LIMK2: variants seen among roughly 807,000 people sequenced by gnomAD.
LIMK2 encodes the protein LIM domain kinase 2.
In LIMK2, 35 loss-of-function variants were observed where a neutral mutation model predicts 75.7. The observed-to-expected ratio is 0.46, with a 90% confidence interval of 0.35 to 0.61. The LOEUF is 0.61. Among genes scored for constraint, LIMK2 ranks in the 20% least tolerant of loss-of-function variants. The probability of loss-of-function intolerance (pLI) is 0.00; values close to 1 mark genes in which losing one functional copy is unlikely to be tolerated. For missense variants in LIMK2, 623 were observed against 831.0 expected (o/e 0.75, Z 3.08); for synonymous variants, 301 against 319.2 (o/e 0.94, Z 0.61).
rs759302784 is a variant in LIMK2 at position 31,258,305 on chromosome 22, A to G, written c.131A>G (p.Gln44Arg). ...TTGCCTTTCAGGTGTTCAGAATGCC[A>G]GGATTCCCTCACCAACTGGTACTAT... ...HGSCFRCSECQDSLTNWYYEK... is the reference protein window; with the variant it reads ...HGSCFRCSECRDSLTNWYYEK... The change falls in exon 3 of 16, where the codon CAG becomes CGG. Residue 44 changes from glutamine to arginine, a missense_variant. By Grantham distance (43) the Gln-to-Arg change is conservative (BLOSUM62 1). Transcript: ENST00000331728. 1 of 1,606,068 alleles carries G rather than the reference A, an allele frequency of 6.2e-7. No homozygotes were observed. The highest frequency in any genetic ancestry group is 1.1e-5 in the South Asian group (1 of 90,492).
chr22:31,273,123 G>A (rs1277011326), intron 13 of LIMK2: 1 of 805,408 alleles, frequency 1.2e-6, no homozygotes, highest in African/African-American at 1.9e-5. Flanking sequence ...CCATTTTGGA[G>A]TCTGAGGCCC....
In LIMK2 at chr22:31,272,704, G is replaced by A. The variant is rs1233256532; in HGVS notation, c.1558G>A (p.Gly520Arg). The part of the protein sequence containing the change: ...PYWMAPEMLN[G>R]KSYDETVDIF... The stretch of plus-strand genomic sequence containing the variant: ...CTGGATGGCCCCTGAGATGCTGAAC[G>A]GTGAGTCCTGAAGCCCTGGAGGGGA... The change falls in exon 13 of 16, where the codon GGA (glycine) becomes AGA (arginine). Residue 520 changes from glycine (G) to arginine (R), a missense_variant and splice_region_variant. Physicochemically the swap from Gly to Arg is moderately radical, Grantham distance 125. Around this residue, in one of 3 missense-constraint regions of LIMK2, gnomAD observed 63 missense variants for 122.8 expected, o/e 0.51. Coordinates refer to ENST00000331728, the MANE Select transcript of LIMK2 (RefSeq NM_005569.4). The A allele has an allele frequency of 3.7e-6, 6 of 1,600,742 alleles. No homozygotes were observed. The African/African-American group carries it at 4.0e-5, about 11-fold the overall frequency.
At chr22:31,219,567 T>A (rs926989962) in intron 1 of LIMK2, among the ~76,000 whole-genome samples, 13 of 152,196 alleles carry the variant, frequency 8.5e-5, no homozygotes, top group South Asian at 4.2e-4. Context: ...ACTCTTCTTT[T>A]TTTTATTTTA....
intron 7 of LIMK2, among the ~76,000 whole-genome samples, chr22:31,263,891 T>G (rs2048865785): frequency 6.6e-6 from 1 of 152,038 alleles, no homozygotes; most frequent in Non-Finnish European, 1.5e-5. Flanking sequence ...CTCAAGAGGC[T>G]GAGGAGGAGG....
At chr22:31,243,968 G>A (rs1008776130) in intron 2 of LIMK2, among the ~76,000 whole-genome samples, 2 of 152,182 alleles carry the variant, frequency 1.3e-5, no homozygotes, top group Non-Finnish European at 2.9e-5. Flanking sequence ...TGAATTTTTG[G>A]AGGTCAAATG....
chr22:31,234,995 G>C (rs933542894), intron 2 of LIMK2, among the ~76,000 whole-genome samples: 12 of 152,074 alleles, frequency 7.9e-5, no homozygotes, highest in Admixed American at 4.6e-4. Flanking sequence ...TGAAAAATAG[G>C]TTAGGTCCCT....
intron 14 of LIMK2, among the ~76,000 whole-genome samples, chr22:31,273,789 C>T (rs539571828): frequency 2.0e-5 from 3 of 152,268 alleles, no homozygotes; most frequent in African/African-American, 4.8e-5. Context: ...CCTCTGCCTT[C>T]TGGGTTCAAG....
intron 2 of LIMK2, among the ~76,000 whole-genome samples, chr22:31,226,178 C>CTTTATTTTATT (rs375495532): frequency 6.9e-6 from 1 of 145,924 alleles, no homozygotes; most frequent in African/African-American, 2.6e-5. Context: ...TGTTTGTATT[C>CTTTATTTTATT]TTATTTTATT....
chr22:31,275,105 G>C, intron 14 of LIMK2, 46 bp from the exon 15 acceptor site: 1 of 1,590,706 alleles, frequency 6.3e-7, no homozygotes. Context: ...CCAAGTATCT[G>C]TGGCCTCTGT....
chr22:31,271,150 T>C lies in LIMK2; in HGVS notation c.1332T>C (p.Ser444=). 6.2e-7 allele frequency: 1 copy of C among 1,614,070 alleles called. No homozygotes were observed. ...TTCTGTTCCAGGCCTATTTGCACTC[T>C]ATGTGCATCATCCACCGGGATCTGA... ...GIASGMAYLH[S]MCIIHRDLNS... is the part of the protein sequence containing the mutation. Residue 444 remains serine, a synonymous_variant, in exon 12 of 16, where the codon TCT becomes TCC. Coordinates refer to ENST00000331728, the MANE Select transcript of LIMK2 (RefSeq NM_005569.4).
intron 1 of LIMK2, among the ~76,000 whole-genome samples, chr22:31,221,546 A>C (rs1480064777): frequency 1.3e-5 from 2 of 152,134 alleles, no homozygotes; most frequent in African/African-American, 4.8e-5. Flanking sequence ...ATGCAGTGGA[A>C]TGATCTTGGC....
intron 5 of LIMK2, among the ~76,000 whole-genome samples, chr22:31,260,373 A>G (rs561723373): frequency 2.0e-5 from 3 of 152,306 alleles, no homozygotes; most frequent in African/African-American, 7.2e-5. Flanking sequence ...TTAGTTGTTT[A>G]TCTTCTATCC....
intron 2 of LIMK2, among the ~76,000 whole-genome samples, chr22:31,250,955 A>C (rs1204110724): frequency 6.6e-6 from 1 of 152,202 alleles, no homozygotes; most frequent in African/African-American, 2.4e-5. Context: ...ACGCAACCAG[A>C]TTCCATGGGG....
At chr22:31,243,744 G>C (rs1364621106) in intron 2 of LIMK2, among the ~76,000 whole-genome samples, 1 of 152,230 alleles carries the variant, frequency 6.6e-6, no homozygotes, top group Non-Finnish European at 1.5e-5. Context: ...TGTTCTGCCA[G>C]CTGCTCTGAG....
intron 13 of LIMK2, chr22:31,272,953 G>A (rs2048974871): frequency 4.8e-6 from 6 of 1,258,694 alleles, no homozygotes; most frequent in Non-Finnish European, 5.0e-6. Flanking sequence ...CTCAGGGATC[G>A]CTAAGAGCTC....
At chr22:31,233,024 C>T (rs1321142127) in intron 2 of LIMK2, among the ~76,000 whole-genome samples, 1 of 152,120 alleles carries the variant, frequency 6.6e-6, no homozygotes, top group Non-Finnish European at 1.5e-5. Context: ...AGTAATATTC[C>T]GAATAACAGC....
rs758405503 is a variant in LIMK2, at chr22:31,265,938, A to C, written c.855-8A>C. 2.0e-5 allele frequency: 33 copies of C among 1,613,528 alleles called. No individual in the cohort carries two copies. The South Asian group carries it at 3.6e-4, about 18-fold the overall frequency. On this transcript the variant is annotated splice_polypyrimidine_tract_variant and splice_region_variant and intron_variant, in intron 7 of 15. Transcript: ENST00000331728. ...CACATCCCTACTCCCGTCTTTCCTC[A>C]TCTTCAGGCGCAGTAACAGTATCTC...
chr22:31,276,578 G>A (rs1486753179), intron 15 of LIMK2, among the ~76,000 whole-genome samples: 1 of 145,568 alleles, frequency 6.9e-6, no homozygotes, highest in Non-Finnish European at 1.5e-5. Flanking sequence ...GGGCGCCCCC[G>A]CCGCCGCCCT....
chr22:31,229,441 A>G (rs2048507528), intron 2 of LIMK2, among the ~76,000 whole-genome samples: 1 of 152,138 alleles, frequency 6.6e-6, no homozygotes, highest in African/African-American at 2.4e-5. Flanking sequence ...AACATGGGGC[A>G]TCAACCTGAA....
Sources: gnomAD v4.1 joint callset for allele counts (sites outside exome capture counted in the v4.1 genomes callset) on GRCh38, gnomAD v4.1.1 for gene constraint, gnomAD v4.1.1 regional missense constraint, MANE v1.5 for transcripts, NCBI Gene and HGNC (gene_info 2026-07-23, HGNC 2026-07-21) for gene names.